MAP2K1: variants seen among roughly 807,000 people sequenced by gnomAD.
MAP2K1 encodes the protein dual specificity mitogen-activated protein kinase kinase 1.
In MAP2K1, 16 loss-of-function variants were observed where a neutral mutation model predicts 46.3. That is an observed-to-expected ratio of 0.35 (90% CI 0.23 to 0.52). MAP2K1 has a LOEUF of 0.52. Ranked by LOEUF, MAP2K1 falls within the 20% of genes least tolerant of loss-of-function variation. The pLI is 0.94. For synonymous variants in MAP2K1, 183 were observed against 185.6 expected (o/e 0.99, Z 0.11); for missense variants, 263 against 497.1 (o/e 0.53, Z 4.48).
chr15:66,402,003 A>C, intron 1 of MAP2K1: 1 of 1,335,640 alleles, frequency 7.5e-7, no homozygotes, highest in Non-Finnish European at 9.8e-7. Context: ...ATCACATGCA[A>C]ATTTTTCTTC....
chr15:66,485,205 T>C lies in MAP2K1; in HGVS notation c.895+14T>C. On this transcript the variant is annotated intron_variant, in intron 7 of 10. Coordinates refer to ENST00000307102, the MANE Select transcript of MAP2K1 (RefSeq NM_002755.4). ...GGCCCCTTAGCTGTGAGTAGCCTGG[T>C]GTGTCCCCATCTTGGACTGTTGGAG... 8.7e-6 allele frequency: 14 copies of C among 1,611,842 alleles called. No individual in the cohort carries two copies. The highest frequency in any genetic ancestry group is 1.3e-5 in the African/African-American group (1 of 75,000).
intron 5 of MAP2K1, among the ~76,000 whole-genome samples, chr15:66,478,823 A>G (rs368090485): frequency 5.9e-5 from 9 of 152,116 alleles, no homozygotes; most frequent in Admixed American, 2.0e-4. Flanking sequence ...CTAATGTTAC[A>G]TATTTGTTCA....
At chr15:66,487,442 C>T (rs925883454) in intron 8 of MAP2K1, 150 bp downstream of exon 8, 1 of 747,900 alleles carries the variant, frequency 1.3e-6, no homozygotes, top group African/African-American at 1.8e-5. Context: ...AGTTCGAGAC[C>T]AGCCTGGCCA....
chr15:66,402,198 C>T (rs74019593), intron 1 of MAP2K1, among the ~76,000 whole-genome samples: 2,111 of 152,238 alleles, frequency 0.014, 49 homozygotes, highest in African/African-American at 0.048. Flanking sequence ...TTTTCATTAG[C>T]GGTTTAACAT....
intron 3 of MAP2K1, among the ~76,000 whole-genome samples, chr15:66,437,981 T>G (rs2093492898): frequency 6.6e-6 from 1 of 151,646 alleles, no homozygotes; most frequent in Non-Finnish European, 1.5e-5. Flanking sequence ...TGGCTTCCCC[T>G]CAGGGAGCTG....
At chr15:66,489,102 C>A in intron 8 of MAP2K1, 113 bp from the exon 9 acceptor site, 1 of 832,942 alleles carries the variant, frequency 1.2e-6, no homozygotes, top group Non-Finnish European at 2.1e-6. Context: ...CTTTGGACTG[C>A]AGAGAAGACT....
intron 1 of MAP2K1, among the ~76,000 whole-genome samples, chr15:66,410,485 AG>A (rs2093408692): frequency 6.6e-6 from 1 of 152,226 alleles, no homozygotes; most frequent in South Asian, 2.1e-4. Flanking sequence ...TTCTCTTAAC[AG>A]TTAATCTGAA....
At position 66,445,422 on chromosome 15, in the gene MAP2K1, A is replaced by G. The variant is rs534857352; in HGVS notation, c.568+715A>G. 2.0e-3 allele frequency among the ~76,000 whole-genome samples: 298 copies of G among 152,284 alleles called. 1 individual carries two copies. Among genetic ancestry groups the G allele is most frequent in the African/African-American group, 6.9e-3 (287 of 41,554 alleles). On this transcript the variant is annotated intron_variant, in intron 5 of 10. Coordinates refer to ENST00000307102, the MANE Select transcript of MAP2K1 (RefSeq NM_002755.4). ...AACAACAACAAGAAGAACAAAACAC[A>G]TTAAAAAAAGAAAGAAACTGATTTA...
At chr15:66,415,084 C>T in intron 1 of MAP2K1, 1 of 512,690 alleles carries the variant, frequency 2.0e-6, no homozygotes. Context: ...ATAACCTCTT[C>T]AAAATGCTCC....
intron 1 of MAP2K1, among the ~76,000 whole-genome samples, chr15:66,397,966 G>T (rs1178445520): frequency 6.6e-6 from 1 of 152,168 alleles, no homozygotes; most frequent in African/African-American, 2.4e-5. Flanking sequence ...GCCAGGTGTG[G>T]TGGCACGTGC....
At chr15:66,426,405 A>G (rs944827422) in intron 1 of MAP2K1, among the ~76,000 whole-genome samples, 3 of 152,092 alleles carry the variant, frequency 2.0e-5, no homozygotes, top group African/African-American at 4.8e-5. Flanking sequence ...AAGTCGCAAC[A>G]AGAAAATTCA....
At chr15:66,414,566 T>G (rs2093420124) in intron 1 of MAP2K1, among the ~76,000 whole-genome samples, 1 of 152,134 alleles carries the variant, frequency 6.6e-6, no homozygotes, top group East Asian at 1.9e-4. Context: ...GCACAGAGTA[T>G]TATTAACCAG....
chr15:66,464,687 G>A (rs1245655228), intron 5 of MAP2K1, among the ~76,000 whole-genome samples: 3 of 151,410 alleles, frequency 2.0e-5, no homozygotes, highest in Non-Finnish European at 4.4e-5. Context: ...CACCATGACC[G>A]GCTAATTTTG....
At chr15:66,447,800 A>G (rs765579197) in intron 5 of MAP2K1, among the ~76,000 whole-genome samples, 2 of 152,100 alleles carry the variant, frequency 1.3e-5, no homozygotes, top group African/African-American at 4.8e-5. Flanking sequence ...TTGTGCAGCC[A>G]TCACCACCAT....
At chr15:66,443,978 T>G (rs1891790359) in intron 4 of MAP2K1, among the ~76,000 whole-genome samples, 1 of 150,602 alleles carries the variant, frequency 6.6e-6, no homozygotes, top group South Asian at 2.1e-4. Flanking sequence ...TGGCTCATGC[T>G]TGTCATCCCA....
intron 1 of MAP2K1, among the ~76,000 whole-genome samples, chr15:66,416,002 C>A (rs114150256): frequency 6.6e-6 from 1 of 152,152 alleles, no homozygotes; most frequent in Non-Finnish European, 1.5e-5. Context: ...GCTCCCCACT[C>A]GCCTTCTAAA....
chr15:66,407,011 C>CA (rs1055347523), intron 1 of MAP2K1, among the ~76,000 whole-genome samples: 38 of 151,162 alleles, frequency 2.5e-4, no homozygotes, highest in South Asian at 4.2e-4. Context: ...CAAAACAAAA[C>CA]AAAAAAAAAG....
At chr15:66,469,029 G>A (rs191579021) in intron 5 of MAP2K1, among the ~76,000 whole-genome samples, 26 of 150,716 alleles carry the variant, frequency 1.7e-4, no homozygotes, top group Admixed American at 2.7e-4. Flanking sequence ...AGGCCGAGGC[G>A]GGTGGATCAT....
At chr15:66,397,706 A>G (rs984794681) in intron 1 of MAP2K1, among the ~76,000 whole-genome samples, 2 of 152,230 alleles carry the variant, frequency 1.3e-5, no homozygotes, top group African/African-American at 4.8e-5. Context: ...TCCTGTTTAT[A>G]GCAAATACGG....
Sources: gnomAD v4.1 joint callset for allele counts (sites outside exome capture counted in the v4.1 genomes callset) on GRCh38, gnomAD v4.1.1 for gene constraint, MANE v1.5 for transcripts, NCBI Gene and HGNC (gene_info 2026-07-23, HGNC 2026-07-21) for gene names.